Variants in HSD11B1 observed in about 807,000 individuals in gnomAD.
HSD11B1 encodes hydroxysteroid 11-beta dehydrogenase 1.
HSD11B1 carries 15 observed loss-of-function variants against 22.1 expected under a neutral mutation model. The ratio of observed to expected loss-of-function variants is 0.68; its 90% confidence interval spans 0.45 to 1.04. The LOEUF (loss-of-function observed/expected upper bound fraction) is 1.04. Ranked by LOEUF, HSD11B1 falls within the 50% of genes least tolerant of loss-of-function variation. The pLI is 0.00. For synonymous variants in HSD11B1, 122 were observed against 125.2 expected (o/e 0.97, Z 0.17); for missense variants, 281 against 357.6 (o/e 0.79, Z 1.73).
In HSD11B1 at chr1:209,707,102, G is replaced by A; in HGVS notation, c.491G>A (p.Ser164Asn). ...ALPMLKQSNG[S>N]IVVVSSLAGK... ...CCCATGCTGAAGCAGAGCAATGGAA[G>A]CATTGTTGTCGTCTCCTCTCTGGCT... The change falls in exon 4 of 6, where the codon AGC becomes AAC. Residue 164 changes from serine to asparagine, a missense_variant. Ser to Asn is a conservative substitution (Grantham distance 46). Coordinates refer to ENST00000367027, the MANE Select transcript of HSD11B1 (RefSeq NM_005525.4). 6.2e-7 allele frequency: 1 copy of A among 1,614,064 alleles called. No individual in the cohort carries two copies. Among genetic ancestry groups the A allele is most frequent in the Non-Finnish European group, 8.5e-7 (1 of 1,179,980 alleles).
At chr1:209,700,457 C>A (rs1322167458), upstream of HSD11B1, among the ~76,000 whole-genome samples, 1 of 152,184 alleles carries the variant, frequency 6.6e-6, no homozygotes, top group Non-Finnish European at 1.5e-5. Flanking sequence ...GGCACCAAGT[C>A]CCTAGCCTGC....
chr1:209,692,616 G>GGGGT (rs1553286745), intron 1 of HSD11B1, among the ~76,000 whole-genome samples: 1 of 110,436 alleles, frequency 9.1e-6, no homozygotes, highest in African/African-American at 3.4e-5. Context: ...GCGGGGGGGG[G>GGGGT]GGTGGGGGCT....
upstream of HSD11B1, among the ~76,000 whole-genome samples, chr1:209,701,076 G>T (rs2076823756): frequency 6.6e-6 from 1 of 152,120 alleles, no homozygotes; most frequent in Non-Finnish European, 1.5e-5. Flanking sequence ...TCCAACCTCT[G>T]CCTGTTACCC....
intron 5 of HSD11B1, among the ~76,000 whole-genome samples, chr1:209,732,810 G>A (rs1185614411): frequency 7.6e-6 from 1 of 131,732 alleles, no homozygotes; most frequent in African/African-American, 3.0e-5. Context: ...TGTTCTCATT[G>A]TTCAATTCCC....
At chr1:209,728,508 C>T (rs933826322) in intron 4 of HSD11B1, among the ~76,000 whole-genome samples, 5 of 152,182 alleles carry the variant, frequency 3.3e-5, no homozygotes, top group African/African-American at 1.2e-4. Flanking sequence ...GGTCATCTGA[C>T]TCTAGAGCTC....
chr1:209,687,814 G>A (rs1417164765), intron 1 of HSD11B1, among the ~76,000 whole-genome samples: 1 of 152,138 alleles, frequency 6.6e-6, no homozygotes, highest in Non-Finnish European at 1.5e-5. Flanking sequence ...ATAGAAAGAA[G>A]AAAAAGATTT....
chr1:209,726,519 T>C (rs774132199), intron 4 of HSD11B1, among the ~76,000 whole-genome samples: 1 of 152,128 alleles, frequency 6.6e-6, no homozygotes, highest in South Asian at 2.1e-4. Flanking sequence ...GGTGGGAGGA[T>C]GAGCTATGAT....
chr1:209,686,816 G>GA (rs2076731386), intron 1 of HSD11B1, among the ~76,000 whole-genome samples: 1 of 152,194 alleles, frequency 6.6e-6, no homozygotes, highest in African/African-American at 2.4e-5. Context: ...CTAGAGTGTT[G>GA]AAAAGGCTCA....
At chr1:209,732,947 A>G (rs538508502) in intron 5 of HSD11B1, among the ~76,000 whole-genome samples, 1 of 152,180 alleles carries the variant, frequency 6.6e-6, no homozygotes, top group Non-Finnish European at 1.5e-5. Context: ...TGTGTAATGC[A>G]CTAAAAACAA....
At chr1:209,710,062 G>T (rs975130516) in intron 4 of HSD11B1, among the ~76,000 whole-genome samples, 1 of 152,026 alleles carries the variant, frequency 6.6e-6, no homozygotes, top group African/African-American at 2.4e-5. Context: ...AGTGGGGTAG[G>T]AGAAAGAATG....
intron 1 of HSD11B1, among the ~76,000 whole-genome samples, chr1:209,694,452 T>A (rs1371656220): frequency 6.6e-6 from 1 of 152,174 alleles, no homozygotes; most frequent in Non-Finnish European, 1.5e-5. Context: ...AGAGAGCACT[T>A]TTTCTGGTCC....
chr1:209,715,794 A>G (rs1397481227), intron 4 of HSD11B1, among the ~76,000 whole-genome samples: 3 of 152,254 alleles, frequency 2.0e-5, no homozygotes, highest in Non-Finnish European at 4.4e-5. Flanking sequence ...TTTGGTAACC[A>G]TAATTGTAAT....
At chr1:209,723,369 C>A (rs1316133593) in intron 4 of HSD11B1, among the ~76,000 whole-genome samples, 2 of 152,168 alleles carry the variant, frequency 1.3e-5, no homozygotes, top group African/African-American at 4.8e-5. Context: ...CATACACTGG[C>A]ACATTTTTTA....
intron 4 of HSD11B1, among the ~76,000 whole-genome samples, chr1:209,712,122 C>G (rs1476818071): frequency 6.6e-6 from 1 of 152,136 alleles, no homozygotes; most frequent in Non-Finnish European, 1.5e-5. Flanking sequence ...ACAACAAATA[C>G]ATTCTATTTG....
At chr1:209,717,601 A>C (rs2076937772) in intron 4 of HSD11B1, among the ~76,000 whole-genome samples, 1 of 152,180 alleles carries the variant, frequency 6.6e-6, no homozygotes. Context: ...CATGCCTCTA[A>C]TCCCAGCACT....
chr1:209,713,064 T>C (rs1353429445), intron 4 of HSD11B1, among the ~76,000 whole-genome samples: 1 of 152,138 alleles, frequency 6.6e-6, no homozygotes, highest in Non-Finnish European at 1.5e-5. Flanking sequence ...AAAAAGAATG[T>C]TTCCTTTATT....
intron 4 of HSD11B1, among the ~76,000 whole-genome samples, chr1:209,729,594 G>A (rs536844636): frequency 6.6e-6 from 1 of 152,118 alleles, no homozygotes; most frequent in East Asian, 1.9e-4. Flanking sequence ...CACCAAGAAG[G>A]ACAAAGGATT....
chr1:209,696,203 C>A (rs2076790772), intron 1 of HSD11B1, among the ~76,000 whole-genome samples: 1 of 152,154 alleles, frequency 6.6e-6, no homozygotes, highest in African/African-American at 2.4e-5. Flanking sequence ...GGGGTGGAAA[C>A]AGGGAGTGAC....
chr1:209,700,287 T>C (rs1208078635), upstream of HSD11B1, among the ~76,000 whole-genome samples: 1 of 152,222 alleles, frequency 6.6e-6, no homozygotes, highest in African/African-American at 2.4e-5. Flanking sequence ...TCTTCTGAAA[T>C]CTAGGCAGAG....
Sources: allele counts gnomAD v4.1 joint callset (sites outside exome capture counted in the v4.1 genomes callset), GRCh38; gene constraint gnomAD v4.1.1; transcripts MANE v1.5; gene names NCBI Gene and HGNC (gene_info 2026-07-23, HGNC 2026-07-21).